The following SUMF1 variants were observed in gnomAD, a reference collection of about 807,000 sequenced individuals.
The protein encoded by SUMF1 is formylglycine-generating enzyme.
Under a neutral mutation model 47.6 loss-of-function variants are expected in SUMF1, and 48 were observed. The observed-to-expected ratio is 1.01, with a 90% confidence interval of 0.80 to 1.28. The LOEUF (loss-of-function observed/expected upper bound fraction) is 1.28. Among genes scored for constraint, SUMF1 ranks in the 50% most tolerant of loss-of-function variants. The probability of loss-of-function intolerance (pLI) is 0.00; values close to 1 mark genes in which losing one functional copy is unlikely to be tolerated. For synonymous variants in SUMF1, 230 were observed against 192.1 expected (o/e 1.20, Z -1.63); for missense variants, 571 against 485.4 (o/e 1.18, Z -1.66).
intron 8 of SUMF1, among the ~76,000 whole-genome samples, chr3:4,288,673 C>G (rs946210619): frequency 6.6e-6 from 1 of 152,062 alleles, no homozygotes; most frequent in Non-Finnish European, 1.5e-5. Context: ...TGGCATGCAC[C>G]TGTAATCCCA....
intron 8 of SUMF1, among the ~76,000 whole-genome samples, chr3:4,218,668 G>A (rs1349428581): frequency 6.6e-6 from 1 of 152,166 alleles, no homozygotes; most frequent in South Asian, 2.1e-4. Flanking sequence ...GTCAGACTTC[G>A]TGTGAGAGCA....
chr3:4,070,722 A>G (rs1013121009), intron 8 of SUMF1, among the ~76,000 whole-genome samples: 1 of 151,634 alleles, frequency 6.6e-6, no homozygotes, highest in African/African-American at 2.4e-5. Context: ...TGCAAGCTCC[A>G]CCTCCTGGGT....
chr3:4,152,113 A>G (rs1307904213), intron 8 of SUMF1, among the ~76,000 whole-genome samples: 1 of 151,560 alleles, frequency 6.6e-6, no homozygotes, highest in Non-Finnish European at 1.5e-5. Flanking sequence ...AAAGATTAGG[A>G]TCATACAGAA....
chr3:4,051,348 C>CAA (rs1191843403), intron 9 of SUMF1, among the ~76,000 whole-genome samples: 2 of 152,064 alleles, frequency 1.3e-5, no homozygotes, highest in Non-Finnish European at 2.9e-5. Context: ...ACGTTCTTTT[C>CAA]TTTGTAACTA....
chr3:4,412,671 G>A (rs923075198), intron 6 of SUMF1, among the ~76,000 whole-genome samples: 1 of 152,164 alleles, frequency 6.6e-6, no homozygotes, highest in Admixed American at 6.6e-5. Flanking sequence ...ATCACCTGGG[G>A]TCAAGAGTTC....
chr3:4,203,632 T>C (rs1695586564), intron 8 of SUMF1, among the ~76,000 whole-genome samples: 2 of 152,020 alleles, frequency 1.3e-5, no homozygotes, highest in African/African-American at 4.8e-5. Context: ...ATGTTGTTAT[T>C]TGTTTTCTGG....
intron 3 of SUMF1, among the ~76,000 whole-genome samples, chr3:4,448,350 C>T (rs1199511739): frequency 6.6e-6 from 1 of 152,088 alleles, no homozygotes; most frequent in African/African-American, 2.4e-5. Context: ...AGAGATGAAG[C>T]GCAGACAGGA....
chr3:4,060,294 C>T (rs1484058136), intron 9 of SUMF1, among the ~76,000 whole-genome samples: 1 of 152,172 alleles, frequency 6.6e-6, no homozygotes, highest in African/African-American at 2.4e-5. Flanking sequence ...CATGTCTGGC[C>T]TGCCAGGGCA....
At chr3:4,105,523 A>C (rs1377958969) in intron 8 of SUMF1, among the ~76,000 whole-genome samples, 1 of 152,120 alleles carries the variant, frequency 6.6e-6, no homozygotes, top group Non-Finnish European at 1.5e-5. Context: ...TGAAATACTG[A>C]AAAGAGGTAA....
At chr3:4,392,188 C>G (rs1700890697) in intron 7 of SUMF1, among the ~76,000 whole-genome samples, 1 of 152,104 alleles carries the variant, frequency 6.6e-6, no homozygotes, top group Non-Finnish European at 1.5e-5. Flanking sequence ...CATTTCTTAT[C>G]TGCTCTTGTG....
intron 8 of SUMF1, among the ~76,000 whole-genome samples, chr3:4,188,406 T>C (rs1695247975): frequency 6.6e-6 from 1 of 152,134 alleles, no homozygotes; most frequent in South Asian, 2.1e-4. Context: ...TATAGCATCA[T>C]ACAGAATATT....
chr3:4,313,319 T>G, intron 8 of SUMF1: 3 of 1,614,038 alleles, frequency 1.9e-6, no homozygotes, highest in East Asian at 2.2e-5. Flanking sequence ...TCCAATTACA[T>G]TATAGCCATC....
chr3:4,363,438 C>T (rs944503905), intron 8 of SUMF1, among the ~76,000 whole-genome samples: 4 of 151,946 alleles, frequency 2.6e-5, no homozygotes, highest in African/African-American at 9.7e-5. Context: ...AGGTCCTTCA[C>T]GTCCCTTGTA....
intron 8 of SUMF1, among the ~76,000 whole-genome samples, chr3:4,232,049 C>T (rs1696310067): frequency 6.6e-6 from 1 of 152,126 alleles, no homozygotes; most frequent in African/African-American, 2.4e-5. Flanking sequence ...CATGTAAATT[C>T]CTCCTGGTGC....
At chr3:4,196,805 G>A (rs1436865168) in intron 8 of SUMF1, among the ~76,000 whole-genome samples, 1 of 152,156 alleles carries the variant, frequency 6.6e-6, no homozygotes, top group Non-Finnish European at 1.5e-5. Context: ...AAAAGTACTA[G>A]AGATTAAATA....
intron 8 of SUMF1, among the ~76,000 whole-genome samples, chr3:4,114,437 C>T (rs1693377975): frequency 6.6e-6 from 1 of 152,152 alleles, no homozygotes; most frequent in African/African-American, 2.4e-5. Flanking sequence ...AATACAGCTT[C>T]ATCAAAGGTT....
In SUMF1 at chr3:4,108,788, T is replaced by C. The variant is rs556355895; in HGVS notation, c.1015-40043A>G. Among the ~76,000 whole-genome samples the C allele has an allele frequency of 4.6e-5, 7 of 152,280 alleles. No homozygotes were observed. The South Asian group carries it at 1.5e-3, about 32-fold the overall frequency. Reference sequence around the variant, plus strand: ...TTTCCATTTGCTTGGTAGATCTTCCTCCATCCCTTTATTTTGAGCCTATGT... The same window carrying C: ...TTTCCATTTGCTTGGTAGATCTTCCCCCATCCCTTTATTTTGAGCCTATGT... On this transcript the variant is annotated intron_variant and NMD_transcript_variant, in intron 8 of 12. Coordinates refer to the SUMF1 transcript ENST00000448413.
intron 3 of SUMF1, among the ~76,000 whole-genome samples, chr3:4,442,638 GAAA>G (rs61296884): frequency 1.6e-5 from 1 of 61,296 alleles, no homozygotes; most frequent in Non-Finnish European, 4.0e-5. Flanking sequence ...AGAGAAAAAG[GAAA>G]AAAAAAAAAA....
At chr3:4,298,293 C>A (rs1697899726) in intron 8 of SUMF1, among the ~76,000 whole-genome samples, 1 of 152,158 alleles carries the variant, frequency 6.6e-6, no homozygotes, top group Non-Finnish European at 1.5e-5. Context: ...GGTTTCTAGA[C>A]CCCGAAAAGA....
Sources: gnomAD v4.1 joint callset for allele counts (sites outside exome capture counted in the v4.1 genomes callset) on GRCh38, gnomAD v4.1.1 for gene constraint, MANE v1.5 for transcripts, NCBI Gene and HGNC (gene_info 2026-07-23, HGNC 2026-07-21) for gene names.